The following ROCK2 variants were observed in gnomAD, a reference collection of about 807,000 sequenced individuals.
The protein encoded by ROCK2 is Rho associated coiled-coil containing protein kinase 2, also known as rho-associated protein kinase 2.
Under a neutral mutation model 195.1 loss-of-function variants are expected in ROCK2, and 61 were observed. The observed-to-expected ratio is 0.31, with a 90% CI of 0.25 to 0.39. The LOEUF (loss-of-function observed/expected upper bound fraction) is 0.39. Ranked by LOEUF, ROCK2 falls within the 10% of genes least tolerant of loss-of-function variation. The pLI, the probability that ROCK2 is intolerant of heterozygous loss-of-function variation, is 1.00. For synonymous variants in ROCK2, 504 were observed against 545.5 expected, an observed-to-expected ratio of 0.92 and a Z score of 1.06; for missense variants, 1,109 against 1,637.4, an observed-to-expected ratio of 0.68 and a Z score of 5.57.
At chr2:11,318,511 T>G (rs914083842) in intron 1 of ROCK2, among the ~76,000 whole-genome samples, 11 of 152,222 alleles carry the variant, frequency 7.2e-5, no homozygotes, top group Non-Finnish European at 1.5e-4. Context: ...ATTAGCCCTT[T>G]GTCAGATGAG....
rs151145473 is a variant in ROCK2, at chr2:11,250,817, C to T, written c.325-1019G>A. ...TGGTTCAACATATTTTATTTCAATT[C>T]CCAACTTGTTTCCCTGCTGTCACTC... On this transcript the variant is annotated intron_variant, in intron 3 of 32. Coordinates refer to ENST00000315872, the MANE Select transcript of ROCK2 (RefSeq NM_004850.5). Among the ~76,000 whole-genome samples, 3 of 152,282 alleles carry T rather than the reference C, an allele frequency of 2.0e-5. No homozygotes were observed. In the East Asian group the frequency reaches 5.8e-4, roughly 29 times the overall value.
At chr2:11,265,387 T>C (rs964561447) in intron 3 of ROCK2, among the ~76,000 whole-genome samples, 3 of 152,234 alleles carry the variant, frequency 2.0e-5, no homozygotes, top group Non-Finnish European at 4.4e-5. Context: ...CTCATTATTC[T>C]ACTGTGAACA....
At position 11,212,047 on chromosome 2, in the gene ROCK2, T is replaced by C. The variant is rs564193409; in HGVS notation, c.2044-207A>G. On this transcript the variant is annotated intron_variant, in intron 17 of 32. Coordinates refer to ENST00000315872, the MANE Select transcript of ROCK2 (RefSeq NM_004850.5). ...TTGGCCTCCAAAGTAGCTGGGACTA[T>C]AGAAGTTTGTCACCACTCCTGGCTA... is the stretch of plus-strand genomic sequence containing the variant. 3.3e-5 allele frequency among the ~76,000 whole-genome samples: 5 copies of C among 151,900 alleles called. No homozygotes were observed. The South Asian group carries it at 8.3e-4, about 25-fold the overall frequency.
At chr2:11,209,896 G>A (rs1303895268) in intron 18 of ROCK2, among the ~76,000 whole-genome samples, 1 of 152,150 alleles carries the variant, frequency 6.6e-6, no homozygotes, top group Non-Finnish European at 1.5e-5. Context: ...CACTTTACAT[G>A]TTTTATTGCA....
intron 12 of ROCK2, among the ~76,000 whole-genome samples, 179 bp from the exon 13 acceptor site, chr2:11,216,385 G>A (rs1664427816): frequency 6.6e-6 from 1 of 152,002 alleles, no homozygotes; most frequent in Non-Finnish European, 1.5e-5. Context: ...TACAATGCCT[G>A]CCTCCCACGT....
At chr2:11,278,971 A>G (rs1666914578) in intron 3 of ROCK2, among the ~76,000 whole-genome samples, 1 of 152,136 alleles carries the variant, frequency 6.6e-6, no homozygotes, top group South Asian at 2.1e-4. Flanking sequence ...ACTCTAGGGC[A>G]AACACTAAAA....
At chr2:11,225,706 C>T (rs956957723) in intron 6 of ROCK2, among the ~76,000 whole-genome samples, 2 of 151,956 alleles carry the variant, frequency 1.3e-5, no homozygotes, top group African/African-American at 4.8e-5. Flanking sequence ...TTTGTAAATC[C>T]CTAGGAAAGC....
chr2:11,307,330 T>C (rs1667888455), intron 1 of ROCK2, among the ~76,000 whole-genome samples: 1 of 152,234 alleles, frequency 6.6e-6, no homozygotes, highest in African/African-American at 2.4e-5. Context: ...TTTATTTGTT[T>C]CTGAGACGGA....
chr2:11,313,741 G>C (rs1486364733), intron 1 of ROCK2, among the ~76,000 whole-genome samples: 1 of 151,648 alleles, frequency 6.6e-6, no homozygotes, highest in Non-Finnish European at 1.5e-5. Flanking sequence ...AATTTGTACA[G>C]TTTCATTTTG....
At chr2:11,225,662 A>T (rs1664784403) in intron 6 of ROCK2, among the ~76,000 whole-genome samples, 1 of 152,124 alleles carries the variant, frequency 6.6e-6, no homozygotes, top group Non-Finnish European at 1.5e-5. Flanking sequence ...CTCTTCATCA[A>T]ATAAGCCAAA....
intron 3 of ROCK2, among the ~76,000 whole-genome samples, chr2:11,271,039 T>A (rs1438646722): frequency 1.3e-5 from 2 of 152,194 alleles, no homozygotes; most frequent in Admixed American, 6.5e-5. Flanking sequence ...GTCTTATGAT[T>A]AGGTCTCAGC....
rs913083813 is a variant in ROCK2, at chr2:11,180,421, T to C, written c.*3016A>G. 2 of 152,238 alleles carry C rather than the reference T, an allele frequency of 1.3e-5. No individual in the cohort carries two copies. The highest frequency in any genetic ancestry group is 4.8e-5 in the African/African-American group (2 of 41,462). The allele number at this position is 152,238 out of a possible 1,614,324, so 9.4% of individuals were successfully genotyped here. On this transcript the variant is annotated 3_prime_UTR_variant, in exon 33 of 33. Coordinates refer to ENST00000315872, the MANE Select transcript of ROCK2 (RefSeq NM_004850.5). ...AACCTTTACTTTGGCTTTACTGGTATGCTTATCCATTAGTTAGCTGGAACA... is the reference window on the plus strand; with the variant it reads ...AACCTTTACTTTGGCTTTACTGGTACGCTTATCCATTAGTTAGCTGGAACA...
chr2:11,306,962 A>C (rs1237118886), intron 1 of ROCK2, among the ~76,000 whole-genome samples: 2 of 152,222 alleles, frequency 1.3e-5, no homozygotes, highest in African/African-American at 2.4e-5. Context: ...TTGGGGGAAA[A>C]AAGAATGACG....
At chr2:11,221,073 G>C in intron 9 of ROCK2, 125 bp downstream of exon 9, 2 of 598,306 alleles carry the variant, frequency 3.3e-6, no homozygotes, top group Non-Finnish European at 5.4e-6. Flanking sequence ...GAATTCTTCT[G>C]ATGATAGTCC....
chr2:11,240,885 TGC>T (rs1665401685), intron 4 of ROCK2, among the ~76,000 whole-genome samples: 1 of 152,210 alleles, frequency 6.6e-6, no homozygotes, highest in South Asian at 2.1e-4. Context: ...AACTTAAATG[TGC>T]ATGTTAAAAT....
intron 4 of ROCK2, 111 bp downstream of exon 4, chr2:11,249,550 G>A (rs1572304699): frequency 2.5e-6 from 2 of 791,004 alleles, no homozygotes; most frequent in Non-Finnish European, 3.7e-6. Flanking sequence ...AAAAATAACT[G>A]CACTGTTACC....
intron 3 of ROCK2, among the ~76,000 whole-genome samples, chr2:11,271,527 C>CT (rs773754783): frequency 3.3e-5 from 5 of 152,184 alleles, no homozygotes; most frequent in Non-Finnish European, 5.9e-5. Flanking sequence ...TTGGTGTCCT[C>CT]ACCTGTCTTT....
At chr2:11,248,484 C>T (rs535677576) in intron 4 of ROCK2, among the ~76,000 whole-genome samples, 15 of 151,858 alleles carry the variant, frequency 9.9e-5, no homozygotes, top group African/African-American at 3.6e-4. Context: ...AAGGCAGGCA[C>T]ATCACTTGAG....
At position 11,201,985 on chromosome 2, in the gene ROCK2, G is replaced by A; in HGVS notation, c.2619+67C>T. 8.7e-7 allele frequency: 1 copy of A among 1,151,028 alleles called. No individual in the cohort carries two copies. Among genetic ancestry groups the A allele is most frequent in the African/African-American group, 1.5e-5 (1 of 66,112 alleles). The allele number at this position is 1,151,028 out of a possible 1,614,324, so 71.3% of individuals were successfully genotyped here. On this transcript the variant is annotated intron_variant, in intron 21 of 32. Transcript: ENST00000315872. This position sits in a 1 kb window ranked among gnomAD's most constrained non-coding sequence, Gnocchi z 4.6. The stretch of plus-strand genomic sequence containing the variant: ...GCTGCTCTTTTTATATGAGTTGTAT[G>A]GTATAAATAAAATATCCCAACCAAA...
Sources: allele counts gnomAD v4.1 joint callset (sites outside exome capture counted in the v4.1 genomes callset), GRCh38; gene constraint gnomAD v4.1.1; non-coding constraint Gnocchi (gnomAD v3.1); transcripts MANE v1.5; gene names NCBI Gene and HGNC (gene_info 2026-07-23, HGNC 2026-07-21).